SLIT1: variants seen among roughly 807,000 people sequenced by gnomAD.
The protein encoded by SLIT1 is slit guidance ligand 1.
Under a neutral mutation model 186.1 loss-of-function variants are expected in SLIT1, and 66 were observed. The observed-to-expected ratio is 0.35, with a 90% confidence interval of 0.29 to 0.44. The LOEUF (loss-of-function observed/expected upper bound fraction) is 0.44. Among genes scored for constraint, SLIT1 ranks in the 20% least tolerant of loss-of-function variants. The probability of loss-of-function intolerance (pLI) is 1.00; values close to 1 mark genes in which losing one functional copy is unlikely to be tolerated. For synonymous variants in SLIT1, 761 were observed against 833.8 expected (o/e 0.91, Z 1.50); for missense variants, 1,638 against 2,037.4 (o/e 0.80, Z 3.77).
chr10:97,155,570 T>G (rs1220393742), intron 4 of SLIT1: 1 of 152,260 alleles, frequency 6.6e-6, no homozygotes, highest in East Asian at 1.9e-4. Context: ...CAGATTTACA[T>G]GATGGGTCTT....
chr10:97,184,344 C>G lies in SLIT1; in HGVS notation c.197+1134G>C, dbSNP rs1158269238. Among the ~76,000 whole-genome samples, 1 of 152,084 alleles carries G rather than the reference C, an allele frequency of 6.6e-6. No individual in the cohort carries two copies. Among genetic ancestry groups the G allele is most frequent in the African/African-American group, 2.4e-5 (1 of 41,398 alleles). On this transcript the variant is annotated intron_variant, in intron 1 of 36. Coordinates refer to ENST00000266058, the MANE Select transcript of SLIT1 (RefSeq NM_003061.3). The surrounding 1 kb of genome is among the most constrained non-coding windows in gnomAD (Gnocchi z 4.4). Reference sequence around the variant, plus strand: ...GAGGAGTAGGTAGGTTTCAAAGGAGCCAGCAGCCTTCTCCAAAGCCCTGTT... The same window carrying G: ...GAGGAGTAGGTAGGTTTCAAAGGAGGCAGCAGCCTTCTCCAAAGCCCTGTT...
chr10:97,171,012 C>T (rs1850180551), intron 1 of SLIT1, among the ~76,000 whole-genome samples: 1 of 152,114 alleles, frequency 6.6e-6, no homozygotes, highest in Admixed American at 6.5e-5. Flanking sequence ...CTCATCACAG[C>T]TTGCGGTGGA....
At chr10:97,036,144 T>C (rs1848636606) in intron 22 of SLIT1, among the ~76,000 whole-genome samples, 1 of 152,218 alleles carries the variant, frequency 6.6e-6, no homozygotes, top group African/African-American at 2.4e-5. Flanking sequence ...TGCAACGATG[T>C]GCCGTGCCTT....
intron 4 of SLIT1, among the ~76,000 whole-genome samples, chr10:97,094,910 C>T (rs962135076): frequency 3.3e-5 from 5 of 152,206 alleles, no homozygotes; most frequent in African/African-American, 1.2e-4. Flanking sequence ...GAGCACATCT[C>T]AATAAATGAT....
intron 25 of SLIT1, among the ~76,000 whole-genome samples, chr10:97,023,898 T>C (rs778728524): frequency 6.6e-6 from 1 of 151,410 alleles, no homozygotes; most frequent in Non-Finnish European, 1.5e-5. Flanking sequence ...GCTGAGATCA[T>C]GCTATGGCAC....
At chr10:97,011,464 C>A (rs1429521946) in intron 30 of SLIT1, among the ~76,000 whole-genome samples, 1 of 152,236 alleles carries the variant, frequency 6.6e-6, no homozygotes, top group South Asian at 2.1e-4. Context: ...GGCCAACTGT[C>A]AGCCCCTTCC....
Position 97,002,991 on chromosome 10 carries a change from C to A in SLIT1, c.3867G>T (p.Gly1289=). The change falls in exon 35 of 37, where the codon GGG becomes GGT. Residue 1289 remains glycine (G), a splice_region_variant and synonymous_variant. Coordinates refer to ENST00000266058, the MANE Select transcript of SLIT1 (RefSeq NM_003061.3). ...CAGCTGAGTTGACATCCACGGGCAT[C>A]CCTGGGGTAGGGGAGGGAGCAGAGC... is the stretch of plus-strand genomic sequence containing the variant. ...LNSEAPLYVG[G]MPVDVNSAAF... 3 of 1,612,500 alleles carry A rather than the reference C, an allele frequency of 1.9e-6. No homozygotes were observed. Among genetic ancestry groups the A allele is most frequent in the Non-Finnish European group, 2.5e-6 (3 of 1,178,926 alleles).
chr10:97,014,142 C>A lies in SLIT1; in HGVS notation c.2986G>T (p.Gly996Cys). 6.2e-7 allele frequency: 1 copy of A among 1,613,860 alleles called. No individual in the cohort carries two copies. The highest frequency in any genetic ancestry group is 8.5e-7 in the Non-Finnish European group (1 of 1,180,036). ...DAPFTCSCPT[G>C]FEGPTCGVNT... is the part of the protein sequence containing the mutation. ...ACCCCACAGGTTGGTCCTTCAAAGC[C>A]GGTGGGACAGGAGCACCTGTGCGGG... is the stretch of plus-strand genomic sequence containing the variant. The change falls in exon 29 of 37, where the codon GGC (glycine) becomes TGC (cysteine). Residue 996 changes from glycine (G) to cysteine (C), a missense_variant. Transcript: ENST00000266058.
chr10:97,056,718 T>C (rs1222115270), intron 12 of SLIT1, among the ~76,000 whole-genome samples: 1 of 152,104 alleles, frequency 6.6e-6, no homozygotes, highest in Non-Finnish European at 1.5e-5. Context: ...AGATGCCCTG[T>C]GGGATTCCGG....
intron 3 of SLIT1, among the ~76,000 whole-genome samples, 155 bp downstream of exon 3, chr10:97,163,225 G>A (rs2134726260): frequency 6.6e-6 from 1 of 152,328 alleles, no homozygotes; most frequent in Middle Eastern, 3.4e-3. Flanking sequence ...CACTTTCACA[G>A]CTGCAGCTGC....
chr10:97,145,144 T>C (rs1175378996), intron 4 of SLIT1, among the ~76,000 whole-genome samples: 1 of 151,836 alleles, frequency 6.6e-6, no homozygotes, highest in Non-Finnish European at 1.5e-5. Context: ...ATTATTACTA[T>C]TATTATTATT....
At position 97,120,775 on chromosome 10, in the gene SLIT1, C is replaced by T. The variant is rs369494156; in HGVS notation, c.413+37043G>A. ...AATATTAGCTATTCTCATCACTTTG[C>T]CTCATTGCTCCATGGTAGTAAGACA... On this transcript the variant is annotated intron_variant, in intron 4 of 36. Transcript: ENST00000266058. Among the ~76,000 whole-genome samples the T allele has an allele frequency of 6.6e-5, 10 of 152,274 alleles. 1 individual carries two copies. In the East Asian group the frequency reaches 1.7e-3, roughly 26 times the overall value.
Position 97,068,972 on chromosome 10 carries a change from T to C in SLIT1, c.414-2886A>G, listed in dbSNP as rs138973568. Among the ~76,000 whole-genome samples the C allele has an allele frequency of 4.8e-4, 73 of 152,370 alleles. 1 individual carries two copies. The South Asian group carries it at 0.012, about 26-fold the overall frequency. ...ATCTCTTCCTTGCCTAGAGAGTTCC[T>C]TGGCTGCCACATCCTCTTCTTAGTG... is the stretch of plus-strand genomic sequence containing the variant. On this transcript the variant is annotated intron_variant, in intron 4 of 36. Transcript: ENST00000266058. The surrounding 1 kb of genome is among the most constrained non-coding windows in gnomAD (Gnocchi z 4.2).
rs149947838 is a variant in SLIT1, at chr10:97,163,382, C to G, written c.339G>C (p.Arg113=). The G allele has an allele frequency of 1.2e-6, 2 of 1,613,844 alleles. No individual in the cohort carries two copies. Among genetic ancestry groups the G allele is most frequent in the Admixed American group, 3.3e-5 (2 of 60,008 alleles). The part of the protein sequence containing the change: ...GAFDDMKELE[R]LRLNRNQLHM... The stretch of plus-strand genomic sequence containing the variant: ...GCCTGCACCCTGCCAGGACTCACAG[C>G]CGCTCCAGCTCCTTCATGTCATCAA... The change falls in exon 3 of 37, where the codon CGG becomes CGC. Residue 113 remains arginine (R), a splice_region_variant and synonymous_variant. Coordinates refer to ENST00000266058, the MANE Select transcript of SLIT1 (RefSeq NM_003061.3).
chr10:97,066,192 G>A, intron 4 of SLIT1, 106 bp from the exon 5 acceptor site: 1 of 831,852 alleles, frequency 1.2e-6, no homozygotes, highest in Non-Finnish European at 2.0e-6. Context: ...GGAGGGCACT[G>A]AACCAGCCAC....
At chr10:97,018,727 G>A (rs1304352501) in intron 27 of SLIT1, 44 bp from the exon 28 acceptor site, 1 of 1,328,528 alleles carries the variant, frequency 7.5e-7, no homozygotes, top group Non-Finnish European at 1.1e-6. Context: ...AGACCCAGGA[G>A]TTAGTATGAG....
At chr10:97,148,566 C>T (rs1436196950) in intron 4 of SLIT1, among the ~76,000 whole-genome samples, 2 of 152,164 alleles carry the variant, frequency 1.3e-5, no homozygotes, top group South Asian at 2.1e-4. Flanking sequence ...AAGCGTGAGC[C>T]ACCATGCCTG....
intron 25 of SLIT1, among the ~76,000 whole-genome samples, chr10:97,024,902 C>T (rs546650937): frequency 8.5e-5 from 13 of 152,278 alleles, no homozygotes; most frequent in African/African-American, 2.4e-4. Context: ...GCGTGGCTTA[C>T]GGTCCCTCCA....
chr10:97,001,647 G>A (rs1459697596), intron 36 of SLIT1, among the ~76,000 whole-genome samples: 1 of 152,152 alleles, frequency 6.6e-6, no homozygotes, highest in Non-Finnish European at 1.5e-5. Context: ...GGCCCCGGGG[G>A]CAATAACATT....
Sources: allele counts gnomAD v4.1 joint callset (sites outside exome capture counted in the v4.1 genomes callset), GRCh38; gene constraint gnomAD v4.1.1; non-coding constraint Gnocchi (gnomAD v3.1); transcripts MANE v1.5; gene names NCBI Gene and HGNC (gene_info 2026-07-23, HGNC 2026-07-21).